The following MITF variants were observed in gnomAD, a reference collection of about 807,000 sequenced individuals.
MITF encodes the protein melanocyte inducing transcription factor.
A neutral mutation model predicts 60.5 loss-of-function variants in MITF; 17 were observed. The ratio of observed to expected loss-of-function variants is 0.28; its 90% confidence interval spans 0.19 to 0.42. The LOEUF (loss-of-function observed/expected upper bound fraction) is 0.42. MITF is among the 10% of genes least tolerant of loss of function. The pLI is 1.00. For missense variants in MITF, 622 were observed against 683.5 expected (o/e 0.91, Z 1.00); for synonymous variants, 260 against 248.5 (o/e 1.05, Z -0.43).
chr3:69,931,701 T>A (rs2065726910), intron 2 of MITF, among the ~76,000 whole-genome samples: 1 of 152,224 alleles, frequency 6.6e-6, no homozygotes, highest in African/African-American at 2.4e-5. Context: ...ATATGTGATA[T>A]AAATGTATAT....
intron 1 of MITF, among the ~76,000 whole-genome samples, chr3:69,839,922 T>G (rs937414133): frequency 7.3e-6 from 1 of 137,734 alleles, no homozygotes; most frequent in African/African-American, 2.6e-5. Context: ...TCTGAAACCC[T>G]GTTGCAAGGG....
chr3:69,820,178 G>T (rs1349499681), intron 1 of MITF, among the ~76,000 whole-genome samples: 1 of 152,116 alleles, frequency 6.6e-6, no homozygotes, highest in East Asian at 1.9e-4. Flanking sequence ...TTATGTTTTG[G>T]GTAAATAAGG....
chr3:69,746,872 A>G (rs1703745868), intron 1 of MITF, among the ~76,000 whole-genome samples: 3 of 152,146 alleles, frequency 2.0e-5, no homozygotes, highest in South Asian at 4.1e-4. Context: ...TTCTATTGCA[A>G]ATGATCTTGG....
rs184234704 is a variant in MITF at position 69,754,095 on chromosome 3, G to T, written c.104+14394G>T. 4.6e-5 allele frequency among the ~76,000 whole-genome samples: 7 copies of T among 152,112 alleles called. No individual in the cohort carries two copies. The East Asian group carries it at 1.4e-3, about 29-fold the overall frequency. On this transcript the variant is annotated intron_variant, in intron 1 of 9. Coordinates refer to ENST00000352241, the MANE Select transcript of MITF (RefSeq NM_001354604.2). ...CCCAATGTTGCAGGTGAGGCCTGAT[G>T]GGAGGTGATTTGGATCATGGAAGTG...
chr3:69,820,978 C>T (rs1244817175), intron 1 of MITF, among the ~76,000 whole-genome samples: 1 of 151,964 alleles, frequency 6.6e-6, no homozygotes, highest in Non-Finnish European at 1.5e-5. Context: ...AGATTTTCCA[C>T]AACTTTTTAA....
chr3:69,854,772 GA>G (rs1237960004), intron 1 of MITF, among the ~76,000 whole-genome samples: 7 of 152,276 alleles, frequency 4.6e-5, no homozygotes, highest in African/African-American at 1.7e-4. Context: ...CTACTCACTA[GA>G]TGCCAGTAGC....
chr3:69,938,678 T>A, intron 3 of MITF: 1 of 1,315,550 alleles, frequency 7.6e-7, no homozygotes, highest in Non-Finnish European at 9.7e-7. Flanking sequence ...TCAAGCTAAT[T>A]GGTGCATCAA....
chr3:69,953,647 G>GTATATATA (rs773463461), intron 7 of MITF, among the ~76,000 whole-genome samples: 32 of 140,718 alleles, frequency 2.3e-4, no homozygotes, highest in Non-Finnish European at 3.2e-4. Flanking sequence ...ATATATGTAT[G>GTATATATA]TATATATATA....
intron 1 of MITF, chr3:69,866,099 A>G: frequency 1.0e-5 from 11 of 1,049,982 alleles, no homozygotes; most frequent in Non-Finnish European, 1.4e-5. Flanking sequence ...TCCTGCAGGT[A>G]CAGTAGGTAC....
At chr3:69,783,669 A>T (rs765805690) in intron 1 of MITF, among the ~76,000 whole-genome samples, 1 of 152,104 alleles carries the variant, frequency 6.6e-6, no homozygotes, top group South Asian at 2.1e-4. Flanking sequence ...CAAGGTTCTG[A>T]TAGAGGATGT....
At chr3:69,938,886 C>A in intron 3 of MITF, 6 of 1,450,766 alleles carry the variant, frequency 4.1e-6, no homozygotes, top group Non-Finnish European at 5.4e-6. Context: ...TATGCCCAAA[C>A]CAACTGCTTT....
chr3:69,826,495 T>A (rs1386947308), intron 1 of MITF, among the ~76,000 whole-genome samples: 1 of 152,222 alleles, frequency 6.6e-6, no homozygotes, highest in Admixed American at 6.5e-5. Flanking sequence ...TTTTCTAATT[T>A]GGGGCATTTA....
chr3:69,796,207 C>G (rs1375669339), intron 1 of MITF, among the ~76,000 whole-genome samples: 1 of 152,152 alleles, frequency 6.6e-6, no homozygotes, highest in African/African-American at 2.4e-5. Context: ...TCTTGAATTC[C>G]TGACCTCAGG....
chr3:69,870,408 A>G (rs1012811738), intron 1 of MITF, among the ~76,000 whole-genome samples: 26 of 148,428 alleles, frequency 1.8e-4, no homozygotes, highest in Non-Finnish European at 3.4e-4. Context: ...ATATATGTGT[A>G]TATATATATG....
chr3:69,870,994 A>G (rs1259817852), intron 1 of MITF, among the ~76,000 whole-genome samples: 1 of 152,198 alleles, frequency 6.6e-6, no homozygotes, highest in Non-Finnish European at 1.5e-5. Flanking sequence ...TGGCTTAAGA[A>G]AAAATGGAGT....
intron 1 of MITF, chr3:69,769,795 A>G (rs971495278): frequency 2.0e-5 from 3 of 152,062 alleles, no homozygotes; most frequent in Non-Finnish European, 4.4e-5. Flanking sequence ...TAAACTGGAG[A>G]CTCAATAATG....
chr3:69,902,925 T>A (rs113521848), intron 2 of MITF, among the ~76,000 whole-genome samples: 3,545 of 152,274 alleles, frequency 0.023, 128 homozygotes, highest in African/African-American at 0.08. Flanking sequence ...CTTTGTATTA[T>A]TTTTGTTTTA....
chr3:69,873,348 C>A (rs1037939516), intron 1 of MITF, among the ~76,000 whole-genome samples: 1 of 152,074 alleles, frequency 6.6e-6, no homozygotes, highest in Non-Finnish European at 1.5e-5. Flanking sequence ...ATGTTAGACA[C>A]CCAGACTACC....
chr3:69,830,407 A>G (rs1377077494), intron 1 of MITF, among the ~76,000 whole-genome samples: 1 of 151,990 alleles, frequency 6.6e-6, no homozygotes. Flanking sequence ...CTCCTTCAAG[A>G]CTTTGCTCAG....
Sources: allele counts gnomAD v4.1 joint callset (sites outside exome capture counted in the v4.1 genomes callset), GRCh38; gene constraint gnomAD v4.1.1; transcripts MANE v1.5; gene names NCBI Gene and HGNC (gene_info 2026-07-23, HGNC 2026-07-21).